Variants in ADARB2 observed in about 807,000 individuals in gnomAD.
ADARB2 encodes adenosine deaminase RNA specific B2 (inactive).
A neutral mutation model predicts 62.2 loss-of-function variants in ADARB2; 25 were observed. The observed-to-expected ratio is 0.40, with a 90% CI of 0.29 to 0.56. The LOEUF (loss-of-function observed/expected upper bound fraction) is 0.56. Ranked by LOEUF, ADARB2 falls within the 20% of genes least tolerant of loss-of-function variation. The pLI is 0.43. For synonymous variants in ADARB2, 572 were observed against 500.8 expected (o/e 1.14, Z -1.90); for missense variants, 1,071 against 1,077.4 (o/e 0.99, Z 0.08).
Position 1,713,257 on chromosome 10 carries a change from A to G in ADARB2, c.100+23794T>C, listed in dbSNP as rs148221043. Among the ~76,000 whole-genome samples, 1,336 of 152,312 alleles carry G rather than the reference A, an allele frequency of 8.8e-3. 6 individuals are homozygous for G. Among genetic ancestry groups the G allele is most frequent in the Middle Eastern group, 0.017 (5 of 294 alleles). On this transcript the variant is annotated intron_variant, in intron 1 of 9. Coordinates refer to ENST00000381312, the MANE Select transcript of ADARB2 (RefSeq NM_018702.4). Reference sequence around the variant, plus strand: ...TCCCATTCAGTTGATCTGTTTCAAGAAAGCTTAAGTGGATCCTACAGCGCT... The same window carrying G: ...TCCCATTCAGTTGATCTGTTTCAAGGAAGCTTAAGTGGATCCTACAGCGCT...
intron 1 of ADARB2, among the ~76,000 whole-genome samples, chr10:1,407,639 GCA>G (rs1270466547): frequency 2.0e-5 from 3 of 152,200 alleles, no homozygotes; most frequent in African/African-American, 7.2e-5. Context: ...TCCTAGCCCA[GCA>G]CTGGCAGAGA....
chr10:1,533,379 T>C (rs192682708), intron 1 of ADARB2, among the ~76,000 whole-genome samples: 28 of 151,806 alleles, frequency 1.8e-4, no homozygotes, highest in African/African-American at 5.3e-4. Context: ...CTGCCTGCCT[T>C]GGCCTCCCAA....
At chr10:1,558,113 C>T (rs1832730607) in intron 1 of ADARB2, among the ~76,000 whole-genome samples, 1 of 152,088 alleles carries the variant, frequency 6.6e-6, no homozygotes, top group South Asian at 2.1e-4. Flanking sequence ...CTTCCTGGAC[C>T]CCGTGACTCT....
At chr10:1,693,881 C>A (rs1834703742) in intron 1 of ADARB2, among the ~76,000 whole-genome samples, 1 of 152,168 alleles carries the variant, frequency 6.6e-6, no homozygotes, top group Non-Finnish European at 1.5e-5. Flanking sequence ...GTGTCTCTTG[C>A]AGATGGGCAG....
chr10:1,301,816 A>C (rs1831575825), intron 3 of ADARB2, among the ~76,000 whole-genome samples: 1 of 152,190 alleles, frequency 6.6e-6, no homozygotes, highest in South Asian at 2.1e-4. Flanking sequence ...TCAAAGCAAA[A>C]CTGGGCAGAA....
At position 1,704,349 on chromosome 10, in the gene ADARB2, G is replaced by A. The variant is rs967321212; in HGVS notation, c.100+32702C>T. Among the ~76,000 whole-genome samples the A allele has an allele frequency of 2.6e-5, 4 of 152,186 alleles. No individual in the cohort carries two copies. The highest frequency in any genetic ancestry group is 2.9e-5 in the Non-Finnish European group (2 of 68,024). Reference sequence around the variant, plus strand: ...TCCTGAGCTTGTTTTCCTGCAACTCGATGGCCCCACCTGGGGATGATGGGA... The same window carrying A: ...TCCTGAGCTTGTTTTCCTGCAACTCAATGGCCCCACCTGGGGATGATGGGA... On this transcript the variant is annotated intron_variant, in intron 1 of 9. Coordinates refer to ENST00000381312, the MANE Select transcript of ADARB2 (RefSeq NM_018702.4). The surrounding 1 kb of genome is among the most constrained non-coding windows in gnomAD (Gnocchi z 5.6).
chr10:1,371,112 C>A (rs772574371), intron 2 of ADARB2, among the ~76,000 whole-genome samples: 1 of 152,130 alleles, frequency 6.6e-6, no homozygotes, highest in Non-Finnish European at 1.5e-5. Context: ...CATAGACCCA[C>A]GGAACAGAGA....
intron 1 of ADARB2, among the ~76,000 whole-genome samples, chr10:1,697,427 G>A (rs936307901): frequency 9.9e-5 from 15 of 152,172 alleles, no homozygotes; most frequent in East Asian, 7.7e-4. Context: ...CAGAGAACAC[G>A]TGGCTCAAAC....
At chr10:1,645,374 C>T (rs909982311) in intron 1 of ADARB2, among the ~76,000 whole-genome samples, 4 of 152,228 alleles carry the variant, frequency 2.6e-5, no homozygotes, top group African/African-American at 9.6e-5. Context: ...TGCATGCCAG[C>T]CCATCGACCT....
intron 3 of ADARB2, among the ~76,000 whole-genome samples, chr10:1,315,857 C>T (rs555046740): frequency 1.3e-5 from 2 of 152,180 alleles, no homozygotes; most frequent in Non-Finnish European, 2.9e-5. Context: ...AAATCAATAA[C>T]TGGATTTTAA....
chr10:1,538,018 G>T (rs1832355739), intron 1 of ADARB2, among the ~76,000 whole-genome samples: 1 of 152,200 alleles, frequency 6.6e-6, no homozygotes, highest in Non-Finnish European at 1.5e-5. Flanking sequence ...TGAAAGTTCA[G>T]AACTGCAAGC....
chr10:1,496,059 T>G (rs1174079621), intron 1 of ADARB2, among the ~76,000 whole-genome samples: 1 of 151,924 alleles, frequency 6.6e-6, no homozygotes, highest in Non-Finnish European at 1.5e-5. Flanking sequence ...ATTATCTTCA[T>G]CATCACCATC....
intron 3 of ADARB2, among the ~76,000 whole-genome samples, chr10:1,314,763 A>G (rs1831722627): frequency 6.6e-6 from 1 of 152,126 alleles, no homozygotes; most frequent in South Asian, 2.1e-4. Flanking sequence ...AAGCAACAAA[A>G]GTGCTCCCGG....
intron 7 of ADARB2, among the ~76,000 whole-genome samples, chr10:1,209,064 GCCAATACC>G (rs1489117494): frequency 2.6e-5 from 4 of 152,156 alleles, no homozygotes; most frequent in East Asian, 3.8e-4. Context: ...GCGTGTGGCT[GCCAATACC>G]CCCAGATCCT....
At chr10:1,625,036 C>T (rs1229910920) in intron 1 of ADARB2, among the ~76,000 whole-genome samples, 1 of 152,192 alleles carries the variant, frequency 6.6e-6, no homozygotes, top group African/African-American at 2.4e-5. Context: ...GTTGTGTTAG[C>T]TAAAGATTTT....
chr10:1,414,363 G>A lies in ADARB2; in HGVS notation c.101-35203C>T, dbSNP rs112888834. Among the ~76,000 whole-genome samples the A allele has an allele frequency of 4.8e-3, 726 of 152,296 alleles. 4 individuals carry two copies. The highest frequency in any genetic ancestry group is 0.016 in the African/African-American group (656 of 41,546). The stretch of plus-strand genomic sequence containing the variant: ...TTGGAACACCAAGCTCTGTGCTAAA[G>A]GGTGGAAGGCTACCCTGACGTACCG... On this transcript the variant is annotated intron_variant, in intron 1 of 9. Coordinates refer to ENST00000381312, the MANE Select transcript of ADARB2 (RefSeq NM_018702.4).
At chr10:1,543,217 G>A (rs1164742534) in intron 1 of ADARB2, among the ~76,000 whole-genome samples, 3 of 152,306 alleles carry the variant, frequency 2.0e-5, no homozygotes, top group South Asian at 2.1e-4. Flanking sequence ...GAAGCCGGGC[G>A]TCCTGCCCGC....
chr10:1,574,168 G>T (rs1588308002), intron 1 of ADARB2, among the ~76,000 whole-genome samples: 1 of 152,320 alleles, frequency 6.6e-6, no homozygotes, highest in Non-Finnish European at 1.5e-5. Flanking sequence ...TGAGCGAGGA[G>T]GAGCCACAAG....
intron 1 of ADARB2, among the ~76,000 whole-genome samples, chr10:1,453,080 C>T (rs2131903093): frequency 6.6e-6 from 1 of 152,268 alleles, no homozygotes; most frequent in South Asian, 2.1e-4. Flanking sequence ...GACGCCTAGT[C>T]CCTTACCTAG....
Sources: allele counts gnomAD v4.1 joint callset (sites outside exome capture counted in the v4.1 genomes callset), GRCh38; gene constraint gnomAD v4.1.1; non-coding constraint Gnocchi (gnomAD v3.1); transcripts MANE v1.5; gene names NCBI Gene and HGNC (gene_info 2026-07-23, HGNC 2026-07-21).